Variants in DNER observed in about 807,000 individuals in gnomAD.
The protein encoded by DNER is delta/notch like EGF repeat containing.
Under a neutral mutation model 78.2 loss-of-function variants are expected in DNER, and 33 were observed. The observed-to-expected ratio is 0.42, with a 90% CI of 0.32 to 0.56. The LOEUF is 0.56. DNER is among the 20% of genes least tolerant of loss of function. The pLI, the probability that DNER is intolerant of heterozygous loss-of-function variation, is 0.11. For synonymous variants in DNER, 417 were observed against 384.8 expected, an observed-to-expected ratio of 1.08 and a Z score of -0.98; for missense variants, 918 against 975.3, an observed-to-expected ratio of 0.94 and a Z score of 0.78.
At chr2:229,401,511 T>C (rs1221639029) in intron 10 of DNER, among the ~76,000 whole-genome samples, 3 of 152,086 alleles carry the variant, frequency 2.0e-5, no homozygotes, top group Admixed American at 6.6e-5. Flanking sequence ...GGAGAAATTA[T>C]TGACCCAAAA....
chr2:229,531,695 C>G (rs944768335), intron 5 of DNER, among the ~76,000 whole-genome samples: 1 of 152,150 alleles, frequency 6.6e-6, no homozygotes, highest in Non-Finnish European at 1.5e-5. Context: ...AGGACTTAAA[C>G]AAATACTTGT....
chr2:229,444,723 T>C (rs1248720619), intron 8 of DNER, among the ~76,000 whole-genome samples: 1 of 152,036 alleles, frequency 6.6e-6, no homozygotes, highest in Admixed American at 6.6e-5. Context: ...ACCCTGTCTC[T>C]AGTAAACATA....
rs148873631 is a variant in DNER, at chr2:229,586,675, C to A, written c.681-651G>T. 9.6e-3 allele frequency: 9,483 copies of A among 985,484 alleles called. 50 individuals carry two copies. Among genetic ancestry groups the A allele is most frequent in the Non-Finnish European group, 0.01 (8,498 of 830,120 alleles). 61.0% of individuals were successfully genotyped at this position (985,484 alleles called of 1,614,324 possible). A position where few individuals can be genotyped will look rare whatever the true frequency, so the allele number is the denominator to read the frequency against. ...ATGCTTCAGCTACTACGAGCTACCCCAACCCAGTTCTTTCTCACCTCCCAA... is the reference window on the plus strand; with the variant it reads ...ATGCTTCAGCTACTACGAGCTACCCAAACCCAGTTCTTTCTCACCTCCCAA... On this transcript the variant is annotated intron_variant, in intron 3 of 12. Coordinates refer to ENST00000341772, the MANE Select transcript of DNER (RefSeq NM_139072.4).
rs1697617180 is a variant in DNER at position 229,591,983 on chromosome 2, A to G, written c.277-95T>C. On this transcript the variant is annotated intron_variant, in intron 1 of 12. Coordinates refer to ENST00000341772, the MANE Select transcript of DNER (RefSeq NM_139072.4). This position sits in a 1 kb window ranked among gnomAD's most constrained non-coding sequence, Gnocchi z 4.6. The stretch of plus-strand genomic sequence containing the variant: ...CTCTGTGTCTCAGAGCGACTGCTGT[A>G]ATGGAAATGCTGTTCCTGTGGAATA... The G allele has an allele frequency of 3.6e-6, 5 of 1,403,366 alleles. No homozygotes were observed. The highest frequency in any genetic ancestry group is 3.7e-6 in the Non-Finnish European group (4 of 1,068,978). 86.9% of individuals were successfully genotyped at this position (1,403,366 alleles called of 1,614,324 possible).
chr2:229,486,823 C>T (rs963497942), intron 6 of DNER, among the ~76,000 whole-genome samples: 9 of 152,178 alleles, frequency 5.9e-5, no homozygotes, highest in Non-Finnish European at 1.2e-4. Flanking sequence ...TCAGCAGCAT[C>T]AGCCCTGCCT....
Position 229,499,444 on chromosome 2 carries a change from C to CAAAA in DNER, c.1147+13335_1147+13338dup, listed in dbSNP as rs777417272. Among the ~76,000 whole-genome samples the CAAAA allele has an allele frequency of 1.6e-3, 121 of 74,764 alleles. 1 individual carries two copies. Among genetic ancestry groups the CAAAA allele is most frequent in the South Asian group, 4.6e-3 (11 of 2,388 alleles). 49.0% of individuals were successfully genotyped at this position (74,764 alleles called of 152,430 possible). On this transcript the variant is annotated intron_variant, in intron 6 of 12. Coordinates refer to ENST00000341772, the MANE Select transcript of DNER (RefSeq NM_139072.4). ...TGAGCAACACAGCAAGACTCCAACT[C>CAAAA]AAAAAAAAAAAAAAAAAGGAAATTT...
intron 10 of DNER, among the ~76,000 whole-genome samples, chr2:229,392,697 A>G (rs907067032): frequency 2.0e-5 from 3 of 152,190 alleles, no homozygotes; most frequent in African/African-American, 4.8e-5. Flanking sequence ...TGAAGCCACA[A>G]AAGATCACAC....
rs557450713 is a variant in DNER at position 229,417,878 on chromosome 2, C to G, written c.1609+230G>C. ...TTTACACATTCAATAAAAAAGAAAGCGAGGATCCACAAAGAACAGGACAGG... is the reference window on the plus strand; with the variant it reads ...TTTACACATTCAATAAAAAAGAAAGGGAGGATCCACAAAGAACAGGACAGG... On this transcript the variant is annotated intron_variant, in intron 9 of 12. Transcript: ENST00000341772. Among the ~76,000 whole-genome samples the G allele has an allele frequency of 2.6e-5, 4 of 152,196 alleles. No individual in the cohort carries two copies. In the South Asian group the frequency reaches 8.3e-4, roughly 32 times the overall value.
At chr2:229,361,637 T>C (rs947341211) in intron 12 of DNER, among the ~76,000 whole-genome samples, 14 of 152,280 alleles carry the variant, frequency 9.2e-5, no homozygotes, top group African/African-American at 3.1e-4. Context: ...TGTCAATGTT[T>C]TGTGCATTAT....
rs566054180 is a variant in DNER, at chr2:229,575,171, G to A, written c.847+10687C>T. On this transcript the variant is annotated intron_variant, in intron 4 of 12. Coordinates refer to ENST00000341772, the MANE Select transcript of DNER (RefSeq NM_139072.4). ...ACTAGCTTTATTTTTTTTAAATAGA[G>A]TGTTGATGGGGAGAGAGAGAAAATG... is the stretch of plus-strand genomic sequence containing the variant. Among the ~76,000 whole-genome samples, 5 of 152,100 alleles carry A rather than the reference G, an allele frequency of 3.3e-5. No individual in the cohort carries two copies. The South Asian group carries it at 1.0e-3, about 32-fold the overall frequency.
At chr2:229,703,128 A>G (rs199880761) in intron 1 of DNER, among the ~76,000 whole-genome samples, 2 of 152,118 alleles carry the variant, frequency 1.3e-5, no homozygotes, top group East Asian at 3.9e-4. Context: ...ACATATTTAC[A>G]GGACTCAACC....
chr2:229,425,472 G>A (rs1218669316), intron 8 of DNER, among the ~76,000 whole-genome samples: 1 of 152,122 alleles, frequency 6.6e-6, no homozygotes. Flanking sequence ...CACAGACCCT[G>A]ACCTGCTCCA....
intron 12 of DNER, among the ~76,000 whole-genome samples, chr2:229,363,736 G>A (rs773377541): frequency 1.3e-5 from 2 of 152,106 alleles, no homozygotes; most frequent in African/African-American, 4.8e-5. Flanking sequence ...CTTCCCCATG[G>A]GCCATATGAG....
At chr2:229,712,679 A>G (rs1367763351) in intron 1 of DNER, among the ~76,000 whole-genome samples, 1 of 152,222 alleles carries the variant, frequency 6.6e-6, no homozygotes, top group Non-Finnish European at 1.5e-5. Flanking sequence ...CTTTTGCAAA[A>G]GCAAGATTTT....
At chr2:229,484,424 C>A (rs2154211522) in intron 6 of DNER, among the ~76,000 whole-genome samples, 1 of 152,330 alleles carries the variant, frequency 6.6e-6, no homozygotes, top group South Asian at 2.1e-4. Context: ...ATCAGTAGAG[C>A]ATCATGCTAC....
rs1284597749 is a variant in DNER, at chr2:229,590,502, T to A, written c.585+1078A>T. Among the ~76,000 whole-genome samples, 4 of 152,284 alleles carry A rather than the reference T, an allele frequency of 2.6e-5. No individual in the cohort carries two copies. The East Asian group carries it at 7.7e-4, about 29-fold the overall frequency. On this transcript the variant is annotated intron_variant, in intron 2 of 12. Transcript: ENST00000341772. Reference sequence around the variant, plus strand: ...GTGTTGCGGTCTGCTGTGGTCTGAATGTCTGCGCCCCTCTAAATTCATGGG... The same window carrying A: ...GTGTTGCGGTCTGCTGTGGTCTGAAAGTCTGCGCCCCTCTAAATTCATGGG...
chr2:229,690,820 G>A (rs1023570891), intron 1 of DNER, among the ~76,000 whole-genome samples: 6 of 152,302 alleles, frequency 3.9e-5, no homozygotes, highest in African/African-American at 1.4e-4. Flanking sequence ...AATGGGGTTT[G>A]TGTTTGTGTG....
chr2:229,431,252 T>C (rs1292204853), intron 8 of DNER, among the ~76,000 whole-genome samples: 3 of 152,176 alleles, frequency 2.0e-5, no homozygotes, highest in Non-Finnish European at 4.4e-5. Context: ...TCTGGGACTA[T>C]ATGGAAGACG....
chr2:229,445,567 A>T (rs1025311631), intron 8 of DNER, among the ~76,000 whole-genome samples: 1 of 152,226 alleles, frequency 6.6e-6, no homozygotes. Context: ...AATGAAGCAG[A>T]TGACTCTCCA....
Sources: gnomAD v4.1 joint callset for allele counts (sites outside exome capture counted in the v4.1 genomes callset) on GRCh38, gnomAD v4.1.1 for gene constraint, Gnocchi (gnomAD v3.1) non-coding constraint, MANE v1.5 for transcripts, NCBI Gene and HGNC (gene_info 2026-07-23, HGNC 2026-07-21) for gene names.